The following NBEA variants were observed in gnomAD, a reference collection of about 807,000 sequenced individuals.
NBEA encodes neurobeachin.
In NBEA, 44 loss-of-function variants were observed where a neutral mutation model predicts 343.4. The observed-to-expected ratio is 0.13, with a 90% CI of 0.10 to 0.16. The LOEUF is 0.16. Ranked by LOEUF, NBEA falls within the 10% of genes least tolerant of loss-of-function variation. The probability of loss-of-function intolerance (pLI) is 1.00; values close to 1 mark genes in which losing one functional copy is unlikely to be tolerated. For missense variants in NBEA, 2,555 were observed against 3,631.3 expected (o/e 0.70, Z 7.62); for synonymous variants, 1,175 against 1,238.7 (o/e 0.95, Z 1.08).
In NBEA at chr13:35,472,393, C is replaced by G. The variant is rs201461132; in HGVS notation, c.6449-7C>G. ...TCAGCCTGACTCCCCTTGTCCTTGCCTTGCAGGCCCAGTGGTTCTCAGCAC... is the reference window on the plus strand; with the variant it reads ...TCAGCCTGACTCCCCTTGTCCTTGCGTTGCAGGCCCAGTGGTTCTCAGCAC... On this transcript the variant is annotated splice_region_variant and splice_polypyrimidine_tract_variant and intron_variant, in intron 40 of 58. Coordinates refer to ENST00000379939, the MANE Select transcript of NBEA (RefSeq NM_001385012.1). 1.2e-4 allele frequency: 195 copies of G among 1,612,354 alleles called. 1 individual carries two copies. The East Asian group carries it at 4.2e-3, about 35-fold the overall frequency.
At chr13:35,211,961 G>T (rs983492657) in intron 33 of NBEA, among the ~76,000 whole-genome samples, 2 of 151,992 alleles carry the variant, frequency 1.3e-5, no homozygotes, top group Non-Finnish European at 2.9e-5. Context: ...TCCTAGAAGA[G>T]ACTGGCCCTC....
chr13:35,584,075 C>T, intron 46 of NBEA, 37 bp downstream of exon 46: 2 of 1,586,856 alleles, frequency 1.3e-6, no homozygotes, highest in Non-Finnish European at 1.7e-6. Context: ...CCTTTGGTAC[C>T]TTAAAATTTT....
intron 38 of NBEA, among the ~76,000 whole-genome samples, chr13:35,369,156 ATTTTTT>A (rs36109768): frequency 7.8e-6 from 1 of 128,320 alleles, no homozygotes; most frequent in African/African-American, 2.9e-5. Flanking sequence ...TGCCAGCACC[ATTTTTT>A]TTTTTTTTTT....
chr13:35,580,582 C>G (rs1157009725), intron 45 of NBEA, among the ~76,000 whole-genome samples: 3 of 152,134 alleles, frequency 2.0e-5, no homozygotes, highest in Non-Finnish European at 4.4e-5. Flanking sequence ...ATTAGGATCT[C>G]TTAAGCAAAT....
chr13:34,986,569 A>G (rs1460852338), intron 1 of NBEA, among the ~76,000 whole-genome samples: 1 of 150,838 alleles, frequency 6.6e-6, no homozygotes, highest in Non-Finnish European at 1.5e-5. Context: ...TGCAGAGCTG[A>G]GTTCAAGTTC....
At chr13:35,592,842 A>G (rs1460135416) in intron 46 of NBEA, among the ~76,000 whole-genome samples, 1 of 126,164 alleles carries the variant, frequency 7.9e-6, no homozygotes, top group Non-Finnish European at 1.7e-5. Flanking sequence ...TAGTACTAAT[A>G]CTTTCGTAGT....
intron 49 of NBEA, among the ~76,000 whole-genome samples, chr13:35,630,476 T>A (rs1023751542): frequency 6.6e-6 from 1 of 152,170 alleles, no homozygotes; most frequent in Non-Finnish European, 1.5e-5. Flanking sequence ...CTGAACAATA[T>A]CTTGTATTAC....
chr13:35,228,415 G>A (rs764864978), intron 33 of NBEA, among the ~76,000 whole-genome samples: 2 of 150,558 alleles, frequency 1.3e-5, no homozygotes, highest in African/African-American at 4.9e-5. Flanking sequence ...GGATACAAGT[G>A]CAATTTTGTT....
rs1259834140 is a variant in NBEA at position 35,123,471 on chromosome 13, A to G, written c.2244-11A>G. The G allele has an allele frequency of 3.5e-6, 5 of 1,430,054 alleles. No homozygotes were observed. The highest frequency in any genetic ancestry group is 4.7e-6 in the Non-Finnish European group (5 of 1,071,090). 88.6% of individuals were successfully genotyped at this position (1,430,054 alleles called of 1,614,324 possible). A position where few individuals can be genotyped will look rare whatever the true frequency, so the allele number is the denominator to read the frequency against. On this transcript the variant is annotated splice_polypyrimidine_tract_variant and intron_variant, in intron 16 of 58. Transcript: ENST00000379939. ...AGTAAGTTTTTAAAAGATAATTTAT[A>G]TATTTTGTAGGGTGATCTACAAATT... is the stretch of plus-strand genomic sequence containing the variant.
At chr13:35,258,619 A>G (rs868193252) in intron 34 of NBEA, among the ~76,000 whole-genome samples, 5 of 152,172 alleles carry the variant, frequency 3.3e-5, no homozygotes, top group African/African-American at 1.2e-4. Context: ...AATAAGAAGT[A>G]ATAACATCAT....
chr13:35,578,148 G>T (rs146452511), intron 45 of NBEA, among the ~76,000 whole-genome samples: 1 of 152,302 alleles, frequency 6.6e-6, no homozygotes, highest in Non-Finnish European at 1.5e-5. Context: ...CCAGACAAAT[G>T]AGTCAAATAT....
intron 41 of NBEA, among the ~76,000 whole-genome samples, chr13:35,533,107 C>A (rs1189363419): frequency 6.6e-6 from 1 of 152,136 alleles, no homozygotes; most frequent in Admixed American, 6.5e-5. Context: ...TGTGCGCCCA[C>A]TAGCAATGTA....
At chr13:35,661,847 G>T (rs532267482) in intron 55 of NBEA, among the ~76,000 whole-genome samples, 1 of 152,194 alleles carries the variant, frequency 6.6e-6, no homozygotes, top group Non-Finnish European at 1.5e-5. Context: ...CCATGATTCT[G>T]CAGTGACTTC....
At chr13:35,600,888 C>A (rs2153047828) in intron 47 of NBEA, among the ~76,000 whole-genome samples, 1 of 152,234 alleles carries the variant, frequency 6.6e-6, no homozygotes, top group Non-Finnish European at 1.5e-5. Flanking sequence ...TTAAGAAACA[C>A]ACTTTGAGCC....
chr13:35,026,253 G>A (rs1174463101), intron 1 of NBEA, among the ~76,000 whole-genome samples: 1 of 152,062 alleles, frequency 6.6e-6, no homozygotes, highest in Non-Finnish European at 1.5e-5. Flanking sequence ...CCAGCCATGT[G>A]GAACTGTGAG....
At chr13:35,651,908 G>A (rs1478860114) in intron 53 of NBEA, 32 bp downstream of exon 53, 1 of 1,181,466 alleles carries the variant, frequency 8.5e-7, no homozygotes, top group Admixed American at 2.0e-5. Context: ...AATTTTCATG[G>A]ATACTATCCA....
chr13:35,456,541 A>G (rs1357193465), intron 40 of NBEA, among the ~76,000 whole-genome samples: 1 of 152,070 alleles, frequency 6.6e-6, no homozygotes, highest in Non-Finnish European at 1.5e-5. Flanking sequence ...AAACATTGAG[A>G]TTGGTATAAT....
chr13:35,552,294 G>A (rs1366813605), intron 43 of NBEA, among the ~76,000 whole-genome samples: 2 of 152,166 alleles, frequency 1.3e-5, no homozygotes, highest in African/African-American at 4.8e-5. Context: ...TGCTTTTTAA[G>A]TGCTGTTTAG....
chr13:35,568,351 A>T (rs2080232000), intron 45 of NBEA, among the ~76,000 whole-genome samples: 1 of 152,180 alleles, frequency 6.6e-6, no homozygotes, highest in Non-Finnish European at 1.5e-5. Context: ...AGAGTCACAC[A>T]ACTGGTAGAA....
Sources: gnomAD v4.1 joint callset for allele counts (sites outside exome capture counted in the v4.1 genomes callset) on GRCh38, gnomAD v4.1.1 for gene constraint, MANE v1.5 for transcripts, NCBI Gene and HGNC (gene_info 2026-07-23, HGNC 2026-07-21) for gene names.